Variants in ERBB4 observed in about 807,000 individuals in gnomAD.
ERBB4 encodes erb-b2 receptor tyrosine kinase 4.
Under a neutral mutation model 158.0 loss-of-function variants are expected in ERBB4, and 42 were observed. That is an observed-to-expected ratio of 0.27 (90% CI 0.21 to 0.34). The LOEUF (loss-of-function observed/expected upper bound fraction) is 0.34, where lower values mean the gene tolerates loss of function less well. ERBB4 is among the 10% of genes least tolerant of loss of function. The probability of loss-of-function intolerance (pLI) is 1.00; values close to 1 mark genes in which losing one functional copy is unlikely to be tolerated. For synonymous variants in ERBB4, 583 were observed against 558.7 expected (o/e 1.04, Z -0.61); for missense variants, 1,333 against 1,624.1 (o/e 0.82, Z 3.08).
intron 2 of ERBB4, among the ~76,000 whole-genome samples, chr2:212,113,991 A>G (rs1421914298): frequency 6.6e-6 from 1 of 152,158 alleles, no homozygotes; most frequent in Non-Finnish European, 1.5e-5. Context: ...AAGAATTCTT[A>G]TGGCTATAAA....
rs570263520 is a variant in ERBB4 at position 212,003,482 on chromosome 2, G to A, written c.235-55866C>T. On this transcript the variant is annotated intron_variant, in intron 2 of 27. Transcript: ENST00000342788. The stretch of plus-strand genomic sequence containing the variant: ...CAGGAGAATAGTGTCTGGAGCCAGG[G>A]AACCTAACAGCCAATTCGTGCTGAC... 1.8e-4 allele frequency among the ~76,000 whole-genome samples: 28 copies of A among 152,002 alleles called. 1 individual carries two copies. The South Asian group carries it at 5.6e-3, about 30-fold the overall frequency.
chr2:211,409,271 T>C (rs1005648915), intron 25 of ERBB4, among the ~76,000 whole-genome samples: 1 of 152,158 alleles, frequency 6.6e-6, no homozygotes, highest in East Asian at 1.9e-4. Context: ...ACTTTGCCTC[T>C]CTGCTTCATT....
intron 3 of ERBB4, among the ~76,000 whole-genome samples, chr2:211,871,858 T>C (rs938272721): frequency 6.6e-6 from 1 of 152,084 alleles, no homozygotes; most frequent in African/African-American, 2.4e-5. Context: ...TTCAAGAGAC[T>C]ATATGTGCTC....
intron 20 of ERBB4, among the ~76,000 whole-genome samples, chr2:211,440,048 A>C (rs2063939238): frequency 6.6e-6 from 1 of 152,196 alleles, no homozygotes; most frequent in African/African-American, 2.4e-5. Flanking sequence ...AAAACCAAAA[A>C]ATAAATAAAT....
chr2:212,457,022 T>A (rs1688326077), intron 1 of ERBB4, among the ~76,000 whole-genome samples: 1 of 151,982 alleles, frequency 6.6e-6, no homozygotes, highest in Non-Finnish European at 1.5e-5. Flanking sequence ...CCCAAAGGAC[T>A]TTTTTCACAG....
At chr2:212,059,371 G>A (rs568970219) in intron 2 of ERBB4, among the ~76,000 whole-genome samples, 2 of 152,158 alleles carry the variant, frequency 1.3e-5, no homozygotes, top group Non-Finnish European at 2.9e-5. Context: ...ATTGCCCAAG[G>A]TAATTTAATA....
intron 20 of ERBB4, among the ~76,000 whole-genome samples, chr2:211,469,275 CATTCATTT>C (rs1408477362): frequency 6.6e-6 from 1 of 152,140 alleles, no homozygotes; most frequent in Non-Finnish European, 1.5e-5. Flanking sequence ...TAAATATATT[CATTCATTT>C]ATCCATTTAT....
At chr2:211,515,914 T>TATATATATATATATATATATATA (rs1559248895) in intron 20 of ERBB4, among the ~76,000 whole-genome samples, 4 of 50,704 alleles carry the variant, frequency 7.9e-5, no homozygotes, top group African/African-American at 4.7e-4. Flanking sequence ...ATATATATAT[T>TATATATATATATATATATATATA]TTTTTTTTTT....
chr2:212,434,228 A>G (rs1217591222), intron 1 of ERBB4, among the ~76,000 whole-genome samples: 1 of 152,006 alleles, frequency 6.6e-6, no homozygotes, highest in East Asian at 1.9e-4. Flanking sequence ...TAGTGGATAT[A>G]GTAAATTCTG....
intron 3 of ERBB4, among the ~76,000 whole-genome samples, chr2:211,901,328 T>C (rs1450684089): frequency 1.3e-5 from 2 of 152,200 alleles, no homozygotes; most frequent in African/African-American, 4.8e-5. Flanking sequence ...TTTAATGTGA[T>C]AGATTTAAAA....
intron 3 of ERBB4, among the ~76,000 whole-genome samples, chr2:211,880,530 G>A (rs929876044): frequency 6.6e-6 from 1 of 151,994 alleles, no homozygotes; most frequent in Non-Finnish European, 1.5e-5. Flanking sequence ...TGAAAAATGT[G>A]TATCATGAAA....
At chr2:212,360,764 C>G (rs2089656885) in intron 1 of ERBB4, among the ~76,000 whole-genome samples, 1 of 151,686 alleles carries the variant, frequency 6.6e-6, no homozygotes, top group African/African-American at 2.4e-5. Flanking sequence ...TCATGCTACT[C>G]TTTCAGTGTG....
chr2:212,120,022 G>A (rs1365247699), intron 2 of ERBB4, among the ~76,000 whole-genome samples: 1 of 152,134 alleles, frequency 6.6e-6, no homozygotes, highest in Non-Finnish European at 1.5e-5. Flanking sequence ...GGGGAAAAGG[G>A]GGAAATTACT....
chr2:212,142,344 A>G (rs1290273398), intron 1 of ERBB4, among the ~76,000 whole-genome samples: 1 of 151,846 alleles, frequency 6.6e-6, no homozygotes, highest in African/African-American at 2.4e-5. Context: ...TAAATATTTA[A>G]TGAATGAATG....
Position 211,735,890 on chromosome 2 carries a change from C to T in ERBB4, c.623-10696G>A, listed in dbSNP as rs552293189. 2.0e-5 allele frequency among the ~76,000 whole-genome samples: 3 copies of T among 151,914 alleles called. No homozygotes were observed. In the South Asian group the frequency reaches 6.2e-4, roughly 32 times the overall value. ...TAATCAGGCCAAGCAGAGTGGCTCA[C>T]GTCTGTAATCCCAGCACTTTGGGAG... On this transcript the variant is annotated intron_variant, in intron 5 of 27. Transcript: ENST00000342788.
At chr2:211,396,148 G>A (rs1429478055) in intron 25 of ERBB4, among the ~76,000 whole-genome samples, 2 of 152,006 alleles carry the variant, frequency 1.3e-5, no homozygotes, top group East Asian at 3.9e-4. Flanking sequence ...TAGGCTCTGT[G>A]TATGTGTGGA....
At position 212,538,643 on chromosome 2, in the gene ERBB4, G is replaced by A. The variant is rs1237556059; in HGVS notation, c.-113C>T. On this transcript the variant is annotated 5_prime_UTR_variant, in exon 1 of 28. Transcript: ENST00000342788. ...GGGCGCGCGTGGGGGTGCGAGGGGG[G>A]CGGGCGCGGCGCGCGCGGTGTGGCG... The A allele has an allele frequency of 1.0e-5, 11 of 1,088,854 alleles. No individual in the cohort carries two copies. The highest frequency in any genetic ancestry group is 3.9e-5 in the Admixed American group (2 of 50,798). 67.4% of individuals were successfully genotyped at this position (1,088,854 alleles called of 1,614,324 possible).
At chr2:211,845,720 T>C (rs1335994229) in intron 3 of ERBB4, among the ~76,000 whole-genome samples, 1 of 152,200 alleles carries the variant, frequency 6.6e-6, no homozygotes, top group Non-Finnish European at 1.5e-5. Context: ...CTCTGTATTT[T>C]ATGTTTGGCT....
intron 2 of ERBB4, among the ~76,000 whole-genome samples, chr2:212,003,206 A>AAAGAAAGAAAGAAAGAAAGG (rs1559293936): frequency 8.5e-5 from 4 of 46,986 alleles, no homozygotes; most frequent in Admixed American, 7.5e-4. Flanking sequence ...AGAAAGAAAG[A>AAAGAAAGAAAGAAAGAAAGG]CAGAAAGAAG....
Sources: gnomAD v4.1 joint callset for allele counts (sites outside exome capture counted in the v4.1 genomes callset) on GRCh38, gnomAD v4.1.1 for gene constraint, MANE v1.5 for transcripts, NCBI Gene and HGNC (gene_info 2026-07-23, HGNC 2026-07-21) for gene names.